ZNF592: variants seen among roughly 807,000 people sequenced by gnomAD.
The protein encoded by ZNF592 is spinocerebellar ataxia, autosomal recessive 5.
Under a neutral mutation model 80.3 loss-of-function variants are expected in ZNF592, and 11 were observed. The observed-to-expected ratio is 0.14, with a 90% CI of 0.09 to 0.23. ZNF592 has a LOEUF of 0.23. ZNF592 is among the 10% of genes least tolerant of loss of function. ZNF592 has a pLI of 1.00. For synonymous variants in ZNF592, 646 were observed against 640.3 expected (o/e 1.01, Z -0.13); for missense variants, 1,420 against 1,633.9 (o/e 0.87, Z 2.26).
intron 1 of ZNF592, among the ~76,000 whole-genome samples, 192 bp from the exon 2 acceptor site, chr15:84,764,515 C>T (rs1328564794): frequency 6.6e-6 from 1 of 152,150 alleles, no homozygotes; most frequent in Non-Finnish European, 1.5e-5. Flanking sequence ...GGGAGGGGAG[C>T]AGACGTGGAG....
chr15:84,782,579 T>A lies in ZNF592; in HGVS notation c.-19-78T>A, dbSNP rs1230649865. The A allele has an allele frequency of 9.0e-6, 12 of 1,326,094 alleles. No individual in the cohort carries two copies. The African/African-American group carries it at 1.6e-4, about 18-fold the overall frequency. The allele number at this position is 1,326,094 out of a possible 1,614,324, so 82.1% of individuals were successfully genotyped here. A position where few individuals can be genotyped will look rare whatever the true frequency, so the allele number is the denominator to read the frequency against. Reference sequence around the variant, plus strand: ...ATGGGTGTGCTGGCTGTGTGTGCATTAGTTTGATGGGTGTGTAGTGAAGAT... The same window carrying A: ...ATGGGTGTGCTGGCTGTGTGTGCATAAGTTTGATGGGTGTGTAGTGAAGAT... On this transcript the variant is annotated intron_variant, in intron 3 of 10. Coordinates refer to ENST00000560079, the MANE Select transcript of ZNF592 (RefSeq NM_014630.3).
chr15:84,779,603 TG>T (rs1378343302), intron 3 of ZNF592, among the ~76,000 whole-genome samples: 1 of 152,104 alleles, frequency 6.6e-6, no homozygotes, highest in Non-Finnish European at 1.5e-5. Flanking sequence ...CCTCCTCCCT[TG>T]GCCTCCCAAA....
chr15:84,799,205 C>T lies in ZNF592; in HGVS notation c.3132C>T (p.Thr1044=). Residue 1044 remains threonine (T), a synonymous_variant, in exon 9 of 11, where the codon ACC becomes ACT. Transcript: ENST00000560079. This position sits in a 1 kb window ranked among gnomAD's most constrained non-coding sequence, Gnocchi z 4.2. The part of the protein sequence containing the change: ...NNHDTVKKFY[T]CGYCTEDSPS... ...ATGACACAGTAAAGAAGTTCTACAC[C>T]TGCGGGTGAGTCCCTGGGGATAGTA... is the stretch of plus-strand genomic sequence containing the variant. 1 of 1,614,166 alleles carries T rather than the reference C, an allele frequency of 6.2e-7. No individual in the cohort carries two copies. The highest frequency in any genetic ancestry group is 8.5e-7 in the Non-Finnish European group (1 of 1,180,012).
At chr15:84,788,133 G>T (rs1260350162) in intron 4 of ZNF592, among the ~76,000 whole-genome samples, 1 of 152,048 alleles carries the variant, frequency 6.6e-6, no homozygotes, top group South Asian at 2.1e-4. Context: ...TTGATGGAGG[G>T]TGGGGGTGGA....
chr15:84,799,965 A>C lies in ZNF592; in HGVS notation c.3261A>C (p.Gly1087=). 1 of 1,614,174 alleles carries C rather than the reference A, an allele frequency of 6.2e-7. No individual in the cohort carries two copies. The highest frequency in any genetic ancestry group is 8.5e-7 in the Non-Finnish European group (1 of 1,180,020). Residue 1087 remains glycine (G), a synonymous_variant, in exon 10 of 11, where the codon GGA becomes GGC. Coordinates refer to ENST00000560079, the MANE Select transcript of ZNF592 (RefSeq NM_014630.3). The surrounding 1 kb of genome is among the most constrained non-coding windows in gnomAD (Gnocchi z 4.2). ...CGTCCAAAGTGAAACCTCCGGGTGG[A>C]CATTCCCCTCAGGTGAGTGTGGGCT... The part of the protein sequence containing the change: ...SQTSKVKPPG[G]HSPQVNHLKR...
chr15:84,782,918 G>A lies in ZNF592; in HGVS notation c.243G>A (p.Ala81=), dbSNP rs199553530. 1.3e-4 allele frequency: 213 copies of A among 1,614,178 alleles called. No individual in the cohort carries two copies. The East Asian group carries it at 2.6e-3, about 20-fold the overall frequency. ...KNTSRQESFE[A]EKDHITPSLL... The stretch of plus-strand genomic sequence containing the variant: ...CCAGCCGCCAGGAGTCATTTGAAGC[G>A]GAGAAAGACCACATTACTCCCAGTC... Residue 81 remains alanine (A), a synonymous_variant, in exon 4 of 11, where the codon GCG becomes GCA. Coordinates refer to ENST00000560079, the MANE Select transcript of ZNF592 (RefSeq NM_014630.3).
chr15:84,797,855 C>G lies in ZNF592; in HGVS notation c.2400-14C>G, dbSNP rs573936506. On this transcript the variant is annotated splice_polypyrimidine_tract_variant and intron_variant, in intron 5 of 10. Transcript: ENST00000560079. ...ATACTCCACCCACACTCACACTACC[C>G]CACTTCTGTCTAGGTGCATCCACTG... 6.2e-7 allele frequency: 1 copy of G among 1,614,202 alleles called. No homozygotes were observed. Among genetic ancestry groups the G allele is most frequent in the East Asian group, 2.2e-5 (1 of 44,882 alleles).
intron 2 of ZNF592, among the ~76,000 whole-genome samples, chr15:84,767,161 A>AT (rs1329043469): frequency 3.3e-5 from 5 of 151,800 alleles, no homozygotes; most frequent in Non-Finnish European, 7.4e-5. Flanking sequence ...CACCCGGTTA[A>AT]TTTTTTTGTA....
At chr15:84,757,981 CT>C (rs1448791158) in intron 1 of ZNF592, among the ~76,000 whole-genome samples, 1 of 126,070 alleles carries the variant, frequency 7.9e-6, no homozygotes, top group Admixed American at 8.0e-5. Context: ...TTTTTTTTTT[CT>C]TTTTTTTTGA....
intron 1 of ZNF592, among the ~76,000 whole-genome samples, chr15:84,758,755 T>TA (rs774128003): frequency 0.064 from 2,481 of 38,478 alleles, 140 homozygotes; most frequent in Middle Eastern, 0.16. Context: ...CTACTGAAAA[T>TA]CCAAAAAAAA....
In ZNF592 at chr15:84,798,529, G is replaced by C; in HGVS notation, c.2736+55G>C. 1.2e-6 allele frequency: 2 copies of C among 1,613,870 alleles called. No homozygotes were observed. The highest frequency in any genetic ancestry group is 1.7e-6 in the Non-Finnish European group (2 of 1,179,924). On this transcript the variant is annotated intron_variant, in intron 7 of 10. Coordinates refer to ENST00000560079, the MANE Select transcript of ZNF592 (RefSeq NM_014630.3). This position sits in a 1 kb window ranked among gnomAD's most constrained non-coding sequence, Gnocchi z 4.5. ...AGGAGGGCACATGCCTCAGGCTGGG[G>C]GTCTGACTCTGTGCATCTTTCCCCT... is the stretch of plus-strand genomic sequence containing the variant.
intron 2 of ZNF592, among the ~76,000 whole-genome samples, chr15:84,768,730 C>G (rs1899610199): frequency 6.6e-6 from 1 of 152,130 alleles, no homozygotes; most frequent in East Asian, 1.9e-4. Context: ...TACAGGGATC[C>G]AGGATTCATA....
At chr15:84,790,146 C>G (rs1351741170) in intron 4 of ZNF592, among the ~76,000 whole-genome samples, 1 of 131,232 alleles carries the variant, frequency 7.6e-6, no homozygotes, top group Non-Finnish European at 1.6e-5. Context: ...GCAAACAGGG[C>G]TAGAGCAATG....
intron 1 of ZNF592, among the ~76,000 whole-genome samples, chr15:84,758,007 C>T (rs1379056922): frequency 1.4e-5 from 2 of 147,764 alleles, no homozygotes; most frequent in Non-Finnish European, 3.0e-5. Context: ...GAGTCTTGCT[C>T]TGTCGCCCAG....
Position 84,783,403 on chromosome 15 carries a change from A to G in ZNF592, c.728A>G (p.Glu243Gly), listed in dbSNP as rs201194824. 390 of 1,614,202 alleles carry G rather than the reference A, an allele frequency of 2.4e-4. 2 individuals are homozygous for G. The highest frequency in any genetic ancestry group is 2.4e-5 in the Non-Finnish European group (28 of 1,180,048). The stretch of plus-strand genomic sequence containing the variant: ...ACTCGATTCTTCGGGGAAGCTTTGG[A>G]GTTCAACAGCCATCCTAGCAACAGT... ...DATRFFGEAL[E>G]FNSHPSNSIG... Residue 243 changes from glutamate to glycine, a missense_variant, in exon 4 of 11, where the codon GAG becomes GGG. Transcript: ENST00000560079. This position sits in a 1 kb window ranked among gnomAD's most constrained non-coding sequence, Gnocchi z 5.0.
chr15:84,749,563 A>T (rs776570250), intron 1 of ZNF592, among the ~76,000 whole-genome samples: 2 of 152,262 alleles, frequency 1.3e-5, no homozygotes, highest in South Asian at 4.1e-4. Flanking sequence ...ATCCAGGACT[A>T]GTCTAGAATA....
Position 84,790,899 on chromosome 15 carries a change from CTTGCTGTCCTGGTA to C in ZNF592, c.2399+21_2399+34del, listed in dbSNP as rs1459440139. On this transcript the variant is annotated intron_variant, in intron 5 of 10. Transcript: ENST00000560079. Reference sequence around the variant, plus strand: ...TGGGCTACAGGTGGGTGCTGCCTGGCTTGCTGTCCTGGTATTGCCCAATGGCTGGTCCTTTTCCT... The same window carrying C: ...TGGGCTACAGGTGGGTGCTGCCTGGCTTGCCCAATGGCTGGTCCTTTTCCT... 1 of 1,614,042 alleles carries C rather than the reference CTTGCTGTCCTGGTA, an allele frequency of 6.2e-7. No individual in the cohort carries two copies. Among genetic ancestry groups the C allele is most frequent in the Non-Finnish European group, 8.5e-7 (1 of 1,180,028 alleles).
intron 5 of ZNF592, among the ~76,000 whole-genome samples, chr15:84,797,127 T>C (rs1962941230): frequency 6.6e-6 from 1 of 152,092 alleles, no homozygotes; most frequent in Non-Finnish European, 1.5e-5. Flanking sequence ...TGCCCACTAA[T>C]TTTTGTATTT....
chr15:84,793,202 G>T (rs1347988739), intron 5 of ZNF592, among the ~76,000 whole-genome samples: 1 of 152,012 alleles, frequency 6.6e-6, no homozygotes. Flanking sequence ...TCAGCTTCCT[G>T]AGTAGCTGGG....
Sources: gnomAD v4.1 joint callset for allele counts (sites outside exome capture counted in the v4.1 genomes callset) on GRCh38, gnomAD v4.1.1 for gene constraint, Gnocchi (gnomAD v3.1) non-coding constraint, MANE v1.5 for transcripts, NCBI Gene and HGNC (gene_info 2026-07-23, HGNC 2026-07-21) for gene names.